XPO7: variants seen among roughly 807,000 people sequenced by gnomAD.
XPO7 encodes the protein exportin 7.
A neutral mutation model predicts 144.3 loss-of-function variants in XPO7; 21 were observed. The observed-to-expected ratio is 0.15, with a 90% CI of 0.10 to 0.21. The LOEUF is 0.21. Among genes scored for constraint, XPO7 ranks in the 10% least tolerant of loss-of-function variants. The pLI is 1.00. For synonymous variants in XPO7, 580 were observed against 499.6 expected (o/e 1.16, Z -2.15); for missense variants, 808 against 1,325.8 (o/e 0.61, Z 6.06).
chr8:21,970,452 T>C (rs985417562), intron 4 of XPO7, 142 bp downstream of exon 4: 2 of 934,590 alleles, frequency 2.1e-6, no homozygotes, highest in African/African-American at 1.7e-5. Flanking sequence ...TGATATATTC[T>C]CTTCTGCATG....
intron 19 of XPO7, among the ~76,000 whole-genome samples, chr8:21,993,504 C>T (rs778633814): frequency 2.0e-5 from 3 of 152,152 alleles, no homozygotes; most frequent in Admixed American, 6.5e-5. Flanking sequence ...TCTGTCTCCA[C>T]GTTTGGAGAC....
intron 1 of XPO7, among the ~76,000 whole-genome samples, chr8:21,945,402 C>T (rs936094864): frequency 2.0e-5 from 3 of 152,198 alleles, no homozygotes; most frequent in African/African-American, 7.2e-5. Context: ...CTAAATTATA[C>T]TGGAACAGTT....
chr8:22,002,027 C>A (rs1585486973), intron 24 of XPO7, 85 bp from the exon 25 acceptor site: 1 of 1,482,872 alleles, frequency 6.7e-7, no homozygotes, highest in Non-Finnish European at 9.0e-7. Context: ...CCACGGTACC[C>A]TAATGGATCT....
chr8:21,974,767 T>C lies in XPO7; in HGVS notation c.590T>C (p.Leu197Pro). Reference protein sequence around the residue: ...FDIFTLSCNLLKQASGKNLNL... With the variant: ...FDIFTLSCNLPKQASGKNLNL... ...ATCTTCACACTTTCCTGCAATTTACTAAAACAGGTGAGCATGTAGTTTGGG... is the reference window on the plus strand; with the variant it reads ...ATCTTCACACTTTCCTGCAATTTACCAAAACAGGTGAGCATGTAGTTTGGG... The change falls in exon 6 of 28, where the codon CTA (leucine) becomes CCA (proline). Residue 197 changes from leucine (L) to proline (P), a missense_variant. By Grantham distance (98) the Leu-to-Pro change is moderately conservative (BLOSUM62 -3). Coordinates refer to ENST00000252512, the MANE Select transcript of XPO7 (RefSeq NM_015024.5). 1 of 1,567,762 alleles carries C rather than the reference T, an allele frequency of 6.4e-7. No individual in the cohort carries two copies. Among genetic ancestry groups the C allele is most frequent in the South Asian group, 1.2e-5 (1 of 84,630 alleles).
chr8:21,990,320 T>C (rs1563335133), intron 16 of XPO7, 24 bp from the exon 17 acceptor site: 1 of 1,612,378 alleles, frequency 6.2e-7, no homozygotes, highest in Admixed American at 1.7e-5. Context: ...CACACTTTCC[T>C]TGACCTTCTT....
At chr8:21,963,293 A>G (rs984695570) in intron 1 of XPO7, among the ~76,000 whole-genome samples, 2 of 152,208 alleles carry the variant, frequency 1.3e-5, no homozygotes, top group African/African-American at 4.8e-5. Flanking sequence ...GCTTATGTCT[A>G]GTTCAGTACT....
chr8:21,964,685 G>A (rs1224285634), intron 1 of XPO7, among the ~76,000 whole-genome samples: 2 of 151,720 alleles, frequency 1.3e-5, no homozygotes, highest in Non-Finnish European at 2.9e-5. Flanking sequence ...TTTTTAAACA[G>A]TCTTGTTTCC....
chr8:21,932,621 C>T (rs941022449), intron 1 of XPO7, among the ~76,000 whole-genome samples: 1 of 151,546 alleles, frequency 6.6e-6, no homozygotes, highest in African/African-American at 2.4e-5. Flanking sequence ...GGCCAAAAAG[C>T]TTTCTTTTGA....
At chr8:21,936,134 C>G (rs1297838109) in intron 1 of XPO7, among the ~76,000 whole-genome samples, 1 of 152,132 alleles carries the variant, frequency 6.6e-6, no homozygotes, top group Non-Finnish European at 1.5e-5. Flanking sequence ...TGTCTGCTAA[C>G]CCTACCTCTG....
At chr8:21,952,300 TG>T (rs1460651674) in intron 1 of XPO7, among the ~76,000 whole-genome samples, 1 of 152,158 alleles carries the variant, frequency 6.6e-6, no homozygotes, top group African/African-American at 2.4e-5. Context: ...TTCAGGTGAA[TG>T]AGTGTTGTAT....
At chr8:21,967,604 A>C (rs1811927113) in intron 2 of XPO7, among the ~76,000 whole-genome samples, 1 of 152,066 alleles carries the variant, frequency 6.6e-6, no homozygotes, top group South Asian at 2.1e-4. Context: ...AAGTGATGGG[A>C]TTACAGACGT....
intron 10 of XPO7, 79 bp downstream of exon 10, chr8:21,981,956 AT>A (rs909540377): frequency 1.0e-4 from 161 of 1,542,120 alleles, no homozygotes; most frequent in South Asian, 1.7e-4. Context: ...GTAAGAATAT[AT>A]TTTTTTTTCT....
rs191455025 is a variant in XPO7 at position 21,959,397 on chromosome 8, A to G, written c.19-7460A>G. Among the ~76,000 whole-genome samples the G allele has an allele frequency of 7.4e-4, 113 of 152,318 alleles. 1 individual carries two copies. Among genetic ancestry groups the G allele is most frequent in the Admixed American group, 2.0e-3 (30 of 15,298 alleles). On this transcript the variant is annotated intron_variant, in intron 1 of 27. Coordinates refer to ENST00000252512, the MANE Select transcript of XPO7 (RefSeq NM_015024.5). ...ACCTTGTAAAGTGGGTGTTATTTCTATGTAAAAGAAAGGGAAAATATTTGA... is the reference window on the plus strand; with the variant it reads ...ACCTTGTAAAGTGGGTGTTATTTCTGTGTAAAAGAAAGGGAAAATATTTGA...
chr8:21,985,445 C>T lies in XPO7; in HGVS notation c.1472-141C>T. 3.9e-6 allele frequency: 3 copies of T among 769,302 alleles called. No homozygotes were observed. In the South Asian group the frequency reaches 4.9e-5, roughly 13 times the overall value. The allele number at this position is 769,302 out of a possible 1,614,324, so 47.7% of individuals were successfully genotyped here. A position where few individuals can be genotyped will look rare whatever the true frequency, so the allele number is the denominator to read the frequency against. ...CCTCTTAGCATTGCCCTTACCAAAGCAGAGAAGTAGCCATTCTCTGTAAGA... is the reference window on the plus strand; with the variant it reads ...CCTCTTAGCATTGCCCTTACCAAAGTAGAGAAGTAGCCATTCTCTGTAAGA... On this transcript the variant is annotated intron_variant, in intron 12 of 27. Coordinates refer to ENST00000252512, the MANE Select transcript of XPO7 (RefSeq NM_015024.5).
At chr8:21,954,714 A>G (rs1811480523) in intron 1 of XPO7, among the ~76,000 whole-genome samples, 1 of 152,226 alleles carries the variant, frequency 6.6e-6, no homozygotes, top group Non-Finnish European at 1.5e-5. Flanking sequence ...TGTAGCTTAC[A>G]TGAGAACTCA....
intron 16 of XPO7, among the ~76,000 whole-genome samples, chr8:21,989,560 A>C (rs1482602409): frequency 2.0e-5 from 3 of 152,326 alleles, no homozygotes; most frequent in Middle Eastern, 3.4e-3. Flanking sequence ...CCAGGGGTCC[A>C]CAAGAAGGGT....
At position 22,002,228 on chromosome 8, in the gene XPO7, C is replaced by T. The variant is rs753537484; in HGVS notation, c.2899C>T (p.Arg967Cys). 5.0e-6 allele frequency: 8 copies of T among 1,613,234 alleles called. No individual in the cohort carries two copies. Among genetic ancestry groups the T allele is most frequent in the Admixed American group, 1.7e-5 (1 of 59,942 alleles). The change falls in exon 25 of 28, where the codon CGC (arginine) becomes TGC (cysteine). Residue 967 changes from arginine (R) to cysteine (C), a missense_variant. By Grantham distance (180) the Arg-to-Cys change is radical. Coordinates refer to ENST00000252512, the MANE Select transcript of XPO7 (RefSeq NM_015024.5). ...CACACCCCTGAACCAGGAGAGCGACCGCTTTCTGCACATCATGCAGCAGCA... is the reference window on the plus strand; with the variant it reads ...CACACCCCTGAACCAGGAGAGCGACTGCTTTCTGCACATCATGCAGCAGCA... ...RTTPLNQESDRFLHIMQQHPE... is the reference protein window; with the variant it reads ...RTTPLNQESDCFLHIMQQHPE...
At chr8:21,970,391 CAACTT>C (rs1055116209) in intron 4 of XPO7, 81 bp downstream of exon 4, 89 of 1,250,152 alleles carry the variant, frequency 7.1e-5, no homozygotes, top group Admixed American at 5.5e-4. Flanking sequence ...CACACACACA[CAACTT>C]AACACGCTTA....
chr8:21,959,252 G>C (rs1301243303), intron 1 of XPO7, among the ~76,000 whole-genome samples: 2 of 152,180 alleles, frequency 1.3e-5, no homozygotes, highest in Non-Finnish European at 2.9e-5. Flanking sequence ...TGCAGATTTT[G>C]TGTGCGCTCA....
Sources: gnomAD v4.1 joint callset for allele counts (sites outside exome capture counted in the v4.1 genomes callset) on GRCh38, gnomAD v4.1.1 for gene constraint, MANE v1.5 for transcripts, NCBI Gene and HGNC (gene_info 2026-07-23, HGNC 2026-07-21) for gene names.